Variants in PARG observed in about 807,000 individuals in gnomAD.
The protein encoded by PARG is poly(ADP-ribose) glycohydrolase.
A neutral mutation model predicts 113.0 loss-of-function variants in PARG; 35 were observed. The ratio of observed to expected loss-of-function variants is 0.31; its 90% CI spans 0.24 to 0.41. The LOEUF (loss-of-function observed/expected upper bound fraction) is 0.41, where lower values mean the gene tolerates loss of function less well. Ranked by LOEUF, PARG falls within the 10% of genes least tolerant of loss-of-function variation. The pLI is 1.00. For synonymous variants in PARG, 330 were observed against 409.9 expected, an observed-to-expected ratio of 0.81 and a Z score of 2.36; for missense variants, 797 against 1,169.4, an observed-to-expected ratio of 0.68 and a Z score of 4.64.
Position 49,819,444 on chromosome 10 carries a change from A to G in PARG, c.2827T>C (p.Cys943Arg), listed in dbSNP as rs1252697456. The change falls in exon 18 of 18, where the codon TGT becomes CGT. Residue 943 changes from cysteine (C) to arginine (R), a missense_variant. Cys to Arg is a radical substitution (Grantham distance 180). This residue lies in a region of PARG where 194 missense variants were observed against 247.1 expected (regional missense o/e 0.79). Coordinates refer to ENST00000616448, the MANE Select transcript of PARG (RefSeq NM_003631.5). ...TTGATGTCTGGTCCAGGGGTGGAAC[A>G]GTTTCTGCATTCTTCATTGTAGTAT... ...LRYYNEECRN[C>R]STPGPDIKLY... is the part of the protein sequence containing the mutation. The G allele has an allele frequency of 1.3e-6, 2 of 1,551,390 alleles. No individual in the cohort carries two copies. Among genetic ancestry groups the G allele is most frequent in the Admixed American group, 3.9e-5 (2 of 51,000 alleles).
At chr10:49,827,822 G>A (rs1554829632) in intron 16 of PARG, among the ~76,000 whole-genome samples, 1 of 152,000 alleles carries the variant, frequency 6.6e-6, no homozygotes, top group Non-Finnish European at 1.5e-5. Flanking sequence ...CTTTTCAAGT[G>A]CCAACATGTC....
intron 17 of PARG, 80 bp from the exon 18 acceptor site, chr10:49,819,574 C>T: frequency 2.8e-6 from 3 of 1,076,888 alleles, no homozygotes; most frequent in Non-Finnish European, 2.7e-6. Context: ...CCAGTTTTAT[C>T]TTAATCTAAA....
chr10:49,884,256 T>C (rs182986637), intron 8 of PARG, among the ~76,000 whole-genome samples: 5 of 152,336 alleles, frequency 3.3e-5, no homozygotes, highest in South Asian at 2.1e-4. Context: ...TAATTTGTTA[T>C]GTAGCAATAT....
At chr10:49,823,740 A>G (rs1326213547) in intron 16 of PARG, among the ~76,000 whole-genome samples, 1 of 152,200 alleles carries the variant, frequency 6.6e-6, no homozygotes, top group Non-Finnish European at 1.5e-5. Flanking sequence ...CTATTAAAAA[A>G]GACAGAGACC....
chr10:49,901,076 C>T (rs1848327553), intron 7 of PARG, among the ~76,000 whole-genome samples: 2 of 150,662 alleles, frequency 1.3e-5, no homozygotes, highest in Non-Finnish European at 3.0e-5. Context: ...GTTTTTTCAA[C>T]TCTAAGAAGT....
At chr10:49,883,817 A>AC (rs1847328658) in intron 8 of PARG, among the ~76,000 whole-genome samples, 2 of 143,674 alleles carry the variant, frequency 1.4e-5, no homozygotes, top group African/African-American at 5.0e-5. Context: ...GAAAAAAAAA[A>AC]AAAAAAACAG....
At chr10:49,862,567 A>C (rs1196036253) in intron 11 of PARG, among the ~76,000 whole-genome samples, 2 of 151,566 alleles carry the variant, frequency 1.3e-5, no homozygotes, top group African/African-American at 4.9e-5. Context: ...GCTTTAACTC[A>C]GAAGGTAATT....
intron 7 of PARG, among the ~76,000 whole-genome samples, chr10:49,889,178 G>C (rs1847648258): frequency 6.7e-6 from 1 of 149,108 alleles, no homozygotes; most frequent in Non-Finnish European, 1.5e-5. Context: ...ATTCACATCT[G>C]TATTCTCCTG....
At chr10:49,841,447 T>C (rs782377054) in intron 15 of PARG, among the ~76,000 whole-genome samples, 7 of 152,186 alleles carry the variant, frequency 4.6e-5, no homozygotes, top group Non-Finnish European at 8.8e-5. Flanking sequence ...TTCATTTTTA[T>C]ATTTCTGTAA....
At chr10:49,862,727 G>A (rs1168632205) in intron 11 of PARG, among the ~76,000 whole-genome samples, 5 of 151,280 alleles carry the variant, frequency 3.3e-5, no homozygotes, top group Admixed American at 3.3e-4. Context: ...CAGCAGAGAT[G>A]TGAAACTAGG....
chr10:49,845,917 T>C (rs1845483305), intron 13 of PARG, among the ~76,000 whole-genome samples: 2 of 151,628 alleles, frequency 1.3e-5, no homozygotes, highest in South Asian at 2.1e-4. Context: ...AAAATGCTTA[T>C]TGAATGCAAT....
At chr10:49,858,827 CTA>C (rs1554835471) in intron 12 of PARG, among the ~76,000 whole-genome samples, 14 of 151,644 alleles carry the variant, frequency 9.2e-5, no homozygotes. Flanking sequence ...CATATGAGGT[CTA>C]TGGGCACTGG....
At chr10:49,919,621 C>T (rs1453526578) in intron 6 of PARG, among the ~76,000 whole-genome samples, 3 of 151,992 alleles carry the variant, frequency 2.0e-5, no homozygotes, top group African/African-American at 7.3e-5. Context: ...GAGTTTGAGA[C>T]CAGCATGGGT....
At position 49,891,189 on chromosome 10, in the gene PARG, C is replaced by G. The variant is rs1182551603; in HGVS notation, c.1738-5894G>C. 3.3e-5 allele frequency among the ~76,000 whole-genome samples: 5 copies of G among 152,334 alleles called. 1 individual carries two copies. The East Asian group carries it at 5.8e-4, about 18-fold the overall frequency. ...ATTAGCCAGGCGTGGTGGCACATGC[C>G]TGTGGTCCCAGTTACTCGGGAGGCG... On this transcript the variant is annotated intron_variant, in intron 7 of 17. Transcript: ENST00000616448.
At chr10:49,885,064 C>T (rs1164471184) in intron 8 of PARG, 139 bp downstream of exon 8, 1 of 681,074 alleles carries the variant, frequency 1.5e-6, no homozygotes, top group African/African-American at 2.0e-5. Flanking sequence ...TTCTTCTCTT[C>T]TCTTCCTCTC....
At chr10:49,935,546 T>G (rs1838702767) in intron 1 of PARG, among the ~76,000 whole-genome samples, 1 of 152,258 alleles carries the variant, frequency 6.6e-6, no homozygotes, top group Non-Finnish European at 1.5e-5. Flanking sequence ...GTAAAGCATT[T>G]AGGGCATTAT....
chr10:49,885,440 T>G, intron 7 of PARG, 145 bp from the exon 8 acceptor site: 2 of 620,436 alleles, frequency 3.2e-6, no homozygotes, highest in Non-Finnish European at 5.9e-6. Context: ...ACCAAACACA[T>G]GTACAAATGC....
chr10:49,847,713 G>A (rs1326345965), intron 13 of PARG, among the ~76,000 whole-genome samples: 2 of 132,674 alleles, frequency 1.5e-5, no homozygotes, highest in African/African-American at 2.7e-5. Context: ...TTAACTAACA[G>A]TACTGTATCA....
At chr10:49,893,862 G>GT (rs199778059) in intron 7 of PARG, among the ~76,000 whole-genome samples, 14,288 of 149,852 alleles carry the variant, frequency 0.095, 1,094 homozygotes, top group East Asian at 0.32. Flanking sequence ...CCCAGCTAAT[G>GT]TTTTTTTTTG....
Sources: gnomAD v4.1 joint callset for allele counts (sites outside exome capture counted in the v4.1 genomes callset) on GRCh38, gnomAD v4.1.1 for gene constraint, gnomAD v4.1.1 regional missense constraint, MANE v1.5 for transcripts, NCBI Gene and HGNC (gene_info 2026-07-23, HGNC 2026-07-21) for gene names.